CSKMT: variants seen among roughly 807,000 people sequenced by gnomAD.
CSKMT encodes citrate synthase lysine methyltransferase.
Under a neutral mutation model 4.6 loss-of-function variants are expected in CSKMT, and 6 were observed. The ratio of observed to expected loss-of-function variants is 1.31; its 90% confidence interval spans 0.72 to 2.59. CSKMT has a LOEUF of 2.59. CSKMT is among the 30% of genes most tolerant of loss of function. The pLI, the probability that CSKMT is intolerant of heterozygous loss-of-function variation, is 0.00. For missense variants in CSKMT, 328 were observed against 298.0 expected (o/e 1.10, Z -0.74); for synonymous variants, 142 against 128.9 (o/e 1.10, Z -0.69).
In CSKMT at chr11:62,667,499, TG is replaced by T. The variant is rs760065671; in HGVS notation, c.*449del. ...GCTTCATAAACCTGGATGAGATATT[TG>T]AGGGGGAGGGAACAATACTTACCCT... On this transcript the variant is annotated 3_prime_UTR_variant, in exon 3 of 3. Coordinates refer to ENST00000532971, the MANE Select transcript of CSKMT (RefSeq NM_001043229.2). 5.6e-6 allele frequency: 9 copies of T among 1,607,704 alleles called. No homozygotes were observed. Among genetic ancestry groups the T allele is most frequent in the Non-Finnish European group, 6.8e-6 (8 of 1,174,406 alleles).
chr11:62,665,533 C>CCCAT (rs1179468218), intron 1 of CSKMT, 114 bp from the exon 2 acceptor site: 2 of 1,569,850 alleles, frequency 1.3e-6, no homozygotes, highest in Admixed American at 1.7e-5. Context: ...CTGGCGGCTT[C>CCCAT]CCATCCGCTG....
intron 2 of CSKMT, chr11:62,666,186 A>G (rs1590848819): frequency 4.2e-6 from 3 of 717,282 alleles, no homozygotes; most frequent in Admixed American, 2.8e-5. Context: ...TGTCTACAAA[A>G]AAAATTAACC....
At position 62,667,122 on chromosome 11, in the gene CSKMT, C is replaced by G; in HGVS notation, c.*71C>G. ...AGGGCTGAAGAACTGTCTTTGCAAG[C>G]TATCTGGCTGCAAAGTGAGAATTTG... On this transcript the variant is annotated 3_prime_UTR_variant, in exon 3 of 3. Coordinates refer to ENST00000532971, the MANE Select transcript of CSKMT (RefSeq NM_001043229.2). 5 of 1,453,692 alleles carry G rather than the reference C, an allele frequency of 3.4e-6. No individual in the cohort carries two copies. Among genetic ancestry groups the G allele is most frequent in the East Asian group, 4.6e-5 (2 of 43,692 alleles). The allele number at this position is 1,453,692 out of a possible 1,614,324, so 90.0% of individuals were successfully genotyped here.
At position 62,665,798 on chromosome 11, in the gene CSKMT, C is replaced by T. The variant is rs1944791252; in HGVS notation, c.-82C>T. On this transcript the variant is annotated 5_prime_UTR_variant, in exon 2 of 3. Transcript: ENST00000532971. The stretch of plus-strand genomic sequence containing the variant: ...CGCTACGCGGAATTTGCAGATCTTC[C>T]CCTGGACCTCAGGCCTCTCCGGCTG... 2 of 1,568,158 alleles carry T rather than the reference C, an allele frequency of 1.3e-6. No homozygotes were observed. The highest frequency in any genetic ancestry group is 1.7e-6 in the Non-Finnish European group (2 of 1,152,436).
chr11:62,666,309 CAAAA>C (rs745593794), intron 2 of CSKMT, 83 bp from the exon 3 acceptor site: 20 of 1,213,410 alleles, frequency 1.6e-5, no homozygotes, highest in African/African-American at 4.7e-5. Flanking sequence ...GACCCTGTCT[CAAAA>C]AAAAAAAAGA....
In CSKMT at chr11:62,667,674, G is replaced by T. The variant is rs1001255103; in HGVS notation, c.*623G>T. 16 of 1,614,030 alleles carry T rather than the reference G, an allele frequency of 9.9e-6. No individual in the cohort carries two copies. Among genetic ancestry groups the T allele is most frequent in the African/African-American group, 1.3e-5 (1 of 74,916 alleles). On this transcript the variant is annotated 3_prime_UTR_variant, in exon 3 of 3. Transcript: ENST00000532971. The stretch of plus-strand genomic sequence containing the variant: ...TCCAACAAGCATCTTCTTCATCCTG[G>T]TCCTGCCCCCAGCTGAGTCCAGCGT...
rs1197758878 is a variant in CSKMT, at chr11:62,666,798, T to A, written c.470T>A (p.Phe157Tyr). The change falls in exon 3 of 3, where the codon TTC becomes TAC. Residue 157 changes from phenylalanine (F) to tyrosine (Y), a missense_variant. Transcript: ENST00000532971. ...GGGGCTGTGGCTTCTTCAGGCTCTT[T>A]CCAACTACTGCTGGACAAAGGCACA... ...NLGAVASSGSFQLLLDKGTWD... is the reference protein window; with the variant it reads ...NLGAVASSGSYQLLLDKGTWD... 6.2e-7 allele frequency: 1 copy of A among 1,614,096 alleles called. No individual in the cohort carries two copies. Among genetic ancestry groups the A allele is most frequent in the East Asian group, 2.2e-5 (1 of 44,886 alleles).
At position 62,665,727 on chromosome 11, in the gene CSKMT, C is replaced by CT. The variant is rs1244946920; in HGVS notation, c.-147dup. On this transcript the variant is annotated 5_prime_UTR_variant, in exon 2 of 3. Transcript: ENST00000532971. Reference sequence around the variant, plus strand: ...TCCTACCATAGTCTGTGTCCGCGTTCTTTTTTCCGGGACTGCAGAGTTCGG... The same window carrying CT: ...TCCTACCATAGTCTGTGTCCGCGTTCTTTTTTTCCGGGACTGCAGAGTTCGG... The CT allele has an allele frequency of 2.8e-5, 41 of 1,464,608 alleles. No individual in the cohort carries two copies. In the South Asian group the frequency reaches 4.6e-4, roughly 17 times the overall value. 90.7% of individuals were successfully genotyped at this position (1,464,608 alleles called of 1,614,324 possible).
Position 62,665,684 on chromosome 11 carries a change from G to A in CSKMT, c.-196G>A, listed in dbSNP as rs1228970651. ...TGTATACCCTCCTCCACTTCCCGCT[G>A]CAGCCAATAAAGGCCGTTCCTACCA... On this transcript the variant is annotated 5_prime_UTR_variant, in exon 2 of 3. Coordinates refer to ENST00000532971, the MANE Select transcript of CSKMT (RefSeq NM_001043229.2). 6.9e-7 allele frequency: 1 copy of A among 1,459,444 alleles called. No homozygotes were observed. The allele number at this position is 1,459,444 out of a possible 1,614,324, so 90.4% of individuals were successfully genotyped here. A position where few individuals can be genotyped will look rare whatever the true frequency, so the allele number is the denominator to read the frequency against.
At chr11:62,665,996 G>A (rs777692176) in intron 2 of CSKMT, 50 bp downstream of exon 2, 20 of 1,575,798 alleles carry the variant, frequency 1.3e-5, no homozygotes, top group Non-Finnish European at 1.7e-5. Flanking sequence ...GCAGAGTGGG[G>A]AGGGTAAGGT....
At chr11:62,666,348 T>A in intron 2 of CSKMT, 48 bp from the exon 3 acceptor site, 1 of 1,594,154 alleles carries the variant, frequency 6.3e-7, no homozygotes, top group Non-Finnish European at 8.5e-7. Context: ...TACGACGTTT[T>A]TGCAGTGGCG....
rs1362176358 is a variant in CSKMT, at chr11:62,665,765, C to A, written c.-115C>A. On this transcript the variant is annotated 5_prime_UTR_variant, in exon 2 of 3. Coordinates refer to ENST00000532971, the MANE Select transcript of CSKMT (RefSeq NM_001043229.2). ...CTGCAGAGTTCGGGGAAGCTGTACG[C>A]CGCCTTTCGCTACGCGGAATTTGCA... 6.6e-7 allele frequency: 1 copy of A among 1,517,310 alleles called. No individual in the cohort carries two copies. The highest frequency in any genetic ancestry group is 1.4e-5 in the African/African-American group (1 of 72,838). 94.0% of individuals were successfully genotyped at this position (1,517,310 alleles called of 1,614,324 possible).
Position 62,667,730 on chromosome 11 carries a change from G to A in CSKMT, c.*679G>A. ...GTTCTTAAAGGACTTCTAGGGTCCT[G>A]TGGGCTCCAAGCCCAGCCTGGGATG... On this transcript the variant is annotated 3_prime_UTR_variant, in exon 3 of 3. Coordinates refer to ENST00000532971, the MANE Select transcript of CSKMT (RefSeq NM_001043229.2). 6.2e-7 allele frequency: 1 copy of A among 1,608,676 alleles called. No individual in the cohort carries two copies. The highest frequency in any genetic ancestry group is 8.5e-7 in the Non-Finnish European group (1 of 1,175,434).
chr11:62,667,589 C>A lies in CSKMT; in HGVS notation c.*538C>A. 6.2e-7 allele frequency: 1 copy of A among 1,614,098 alleles called. No individual in the cohort carries two copies. Among genetic ancestry groups the A allele is most frequent in the Non-Finnish European group, 8.5e-7 (1 of 1,180,018 alleles). ...AAGCCACTTCTACAAACACGGGAGC[C>A]TGTTGAGTCCCAGAAGGGACAGTGG... is the stretch of plus-strand genomic sequence containing the variant. On this transcript the variant is annotated 3_prime_UTR_variant, in exon 3 of 3. Coordinates refer to ENST00000532971, the MANE Select transcript of CSKMT (RefSeq NM_001043229.2).
Position 62,666,963 on chromosome 11 carries a change from G to A in CSKMT, c.635G>A (p.Gly212Glu). ...GTGCGACTGCCCTGCCTGGAACAAG[G>A]GTCCTATGGCTGGACTGTGACTGTG... ...PDVRLPCLEQ[G>E]SYGWTVTVQE... Residue 212 changes from glycine to glutamate, a missense_variant, in exon 3 of 3, where the codon GGG (glycine) becomes GAG (glutamate). By Grantham distance (98) the Gly-to-Glu change is moderately conservative (BLOSUM62 -2). Transcript: ENST00000532971. 1 of 1,614,138 alleles carries A rather than the reference G, an allele frequency of 6.2e-7. No individual in the cohort carries two copies. The highest frequency in any genetic ancestry group is 8.5e-7 in the Non-Finnish European group (1 of 1,180,032).
At chr11:62,665,559 G>C (rs780302855) in intron 1 of CSKMT, 88 bp from the exon 2 acceptor site, 1 of 1,567,402 alleles carries the variant, frequency 6.4e-7, no homozygotes, top group Non-Finnish European at 8.6e-7. Context: ...ATCCTCAAAC[G>C]CCGGGACACC....
In CSKMT at chr11:62,665,723, C is replaced by G; in HGVS notation, c.-157C>G. On this transcript the variant is annotated 5_prime_UTR_variant, in exon 2 of 3. Coordinates refer to ENST00000532971, the MANE Select transcript of CSKMT (RefSeq NM_001043229.2). ...CCGTTCCTACCATAGTCTGTGTCCG[C>G]GTTCTTTTTTCCGGGACTGCAGAGT... 1 of 1,464,272 alleles carries G rather than the reference C, an allele frequency of 6.8e-7. No individual in the cohort carries two copies. The highest frequency in any genetic ancestry group is 1.8e-4 in the Middle Eastern group (1 of 5,574). 90.7% of individuals were successfully genotyped at this position (1,464,272 alleles called of 1,614,324 possible). A position where few individuals can be genotyped will look rare whatever the true frequency, so the allele number is the denominator to read the frequency against.
rs111399855 is a variant in CSKMT, at chr11:62,666,261, C to G, written c.68-135C>G. The G allele has an allele frequency of 3.5e-3, 3,194 of 900,066 alleles. 64 individuals are homozygous for G. The African/African-American group carries it at 0.047, about 13-fold the overall frequency. 55.8% of individuals were successfully genotyped at this position (900,066 alleles called of 1,614,324 possible). The stretch of plus-strand genomic sequence containing the variant: ...TGAGGTGGAGGCTTCAGTGAGCCAT[C>G]ATTGTGCTACTGTACTCAACCCTGG... On this transcript the variant is annotated intron_variant, in intron 2 of 2. Coordinates refer to ENST00000532971, the MANE Select transcript of CSKMT (RefSeq NM_001043229.2).
At chr11:62,666,107 C>A in intron 2 of CSKMT, 161 bp downstream of exon 2, 1 of 892,308 alleles carries the variant, frequency 1.1e-6, no homozygotes, top group Non-Finnish European at 1.7e-6. Flanking sequence ...TAACACTTTG[C>A]CAGGCCGAGG....
Sources: allele counts gnomAD v4.1 joint callset, GRCh38; gene constraint gnomAD v4.1.1; transcripts MANE v1.5; gene names NCBI Gene and HGNC (gene_info 2026-07-23, HGNC 2026-07-21).